Variants in PTPRD observed in about 807,000 individuals in gnomAD.
The protein encoded by PTPRD is protein tyrosine phosphatase receptor type D, also known as receptor-type tyrosine-protein phosphatase delta.
A neutral mutation model predicts 214.5 loss-of-function variants in PTPRD; 34 were observed. That is an observed-to-expected ratio of 0.16 (90% CI 0.12 to 0.21). The LOEUF is 0.21. Among genes scored for constraint, PTPRD ranks in the 10% least tolerant of loss-of-function variants. PTPRD has a pLI of 1.00. For missense variants in PTPRD, 2,545 were observed against 2,398.7 expected, an observed-to-expected ratio of 1.06 and a Z score of -1.27; for synonymous variants, 1,128 against 845.7, an observed-to-expected ratio of 1.33 and a Z score of -5.79.
intron 11 of PTPRD, among the ~76,000 whole-genome samples, chr9:8,887,873 C>T (rs1461558313): frequency 5.3e-5 from 8 of 152,162 alleles, no homozygotes; most frequent in African/African-American, 1.2e-4. Context: ...AACACATCAG[C>T]GCTTTGATGT....
At chr9:9,138,658 TC>T (rs1321165421) in intron 10 of PTPRD, among the ~76,000 whole-genome samples, 1 of 152,132 alleles carries the variant, frequency 6.6e-6, no homozygotes, top group East Asian at 1.9e-4. Context: ...TAAGGTACAT[TC>T]TTTAACTTGA....
At chr9:8,585,036 G>A (rs1241473892) in intron 14 of PTPRD, among the ~76,000 whole-genome samples, 1 of 152,120 alleles carries the variant, frequency 6.6e-6, no homozygotes, top group African/African-American at 2.4e-5. Context: ...ATAACACGTG[G>A]GGATTAGGGG....
At chr9:10,358,672 C>T (rs10756029) in intron 2 of PTPRD, among the ~76,000 whole-genome samples, 87,414 of 151,592 alleles carry the variant, frequency 0.58, 26,985 homozygotes, top group African/African-American at 0.81. Flanking sequence ...CAGTATACAC[C>T]ATCTTAAGAA....
intron 26 of PTPRD, among the ~76,000 whole-genome samples, chr9:8,497,039 T>C (rs1414746737): frequency 1.3e-5 from 2 of 152,212 alleles, no homozygotes; most frequent in Non-Finnish European, 2.9e-5. Flanking sequence ...TGACATTTCT[T>C]ACGCAGTCAA....
intron 8 of PTPRD, among the ~76,000 whole-genome samples, chr9:9,446,081 C>A (rs1188595100): frequency 6.6e-6 from 1 of 152,010 alleles, no homozygotes; most frequent in African/African-American, 2.4e-5. Context: ...TTATGAAAGC[C>A]ATGTGGTAAG....
At chr9:10,227,966 T>C (rs2099594779) in intron 3 of PTPRD, among the ~76,000 whole-genome samples, 4 of 152,016 alleles carry the variant, frequency 2.6e-5, no homozygotes, top group Admixed American at 2.0e-4. Flanking sequence ...CAGAAAGGCC[T>C]AGAAATTTTT....
intron 3 of PTPRD, among the ~76,000 whole-genome samples, chr9:10,289,378 G>A (rs1422122856): frequency 6.6e-6 from 1 of 152,148 alleles, no homozygotes; most frequent in African/African-American, 2.4e-5. Flanking sequence ...AGCTCCAGCT[G>A]AGGTGTTGGA....
chr9:8,877,607 G>A (rs1027148126), intron 11 of PTPRD, among the ~76,000 whole-genome samples: 2 of 152,046 alleles, frequency 1.3e-5, no homozygotes, highest in African/African-American at 4.8e-5. Flanking sequence ...GTTCATATTT[G>A]CTTCTATTTA....
chr9:9,654,800 T>G (rs2096465323), intron 7 of PTPRD, among the ~76,000 whole-genome samples: 1 of 152,166 alleles, frequency 6.6e-6, no homozygotes. Flanking sequence ...GTTTATTAAG[T>G]GTATAACAAA....
At chr9:9,469,318 G>T (rs971546097) in intron 8 of PTPRD, among the ~76,000 whole-genome samples, 6 of 151,972 alleles carry the variant, frequency 3.9e-5, no homozygotes, top group African/African-American at 1.5e-4. Flanking sequence ...TTCTCATTTA[G>T]AAATAATCTG....
chr9:9,989,277 C>T (rs887032557), intron 4 of PTPRD, among the ~76,000 whole-genome samples: 1 of 152,106 alleles, frequency 6.6e-6, no homozygotes, highest in South Asian at 2.1e-4. Flanking sequence ...TAAATGAGAG[C>T]ATGCATTCCT....
chr9:9,968,161 A>G (rs1271862024), intron 4 of PTPRD, among the ~76,000 whole-genome samples: 1 of 152,192 alleles, frequency 6.6e-6, no homozygotes, highest in African/African-American at 2.4e-5. Flanking sequence ...TTATTCTTCA[A>G]TGAAACCATG....
Position 10,340,988 on chromosome 9 carries a change from C to G in PTPRD, c.-570G>C, listed in dbSNP as rs2096929003. On this transcript the variant is annotated 5_prime_UTR_variant, in exon 3 of 46. Coordinates refer to ENST00000381196, the MANE Select transcript of PTPRD (RefSeq NM_002839.4). Reference sequence around the variant, plus strand: ...TAGTTGTGTGACTTTGAGACAGGTCCTTTACTTCCTTGATTCTTCACTTCT... The same window carrying G: ...TAGTTGTGTGACTTTGAGACAGGTCGTTTACTTCCTTGATTCTTCACTTCT... The G allele has an allele frequency of 6.6e-6, 1 of 151,880 alleles. No homozygotes were observed. The highest frequency in any genetic ancestry group is 2.1e-4 in the South Asian group (1 of 4,822). 9.4% of individuals were successfully genotyped at this position (151,880 alleles called of 1,614,324 possible). A position where few individuals can be genotyped will look rare whatever the true frequency, so the allele number is the denominator to read the frequency against.
chr9:10,558,558 C>G (rs1476587837), intron 2 of PTPRD, among the ~76,000 whole-genome samples: 1 of 152,104 alleles, frequency 6.6e-6, no homozygotes, highest in African/African-American at 2.4e-5. Context: ...CTTGGGCAAG[C>G]TACTTAACAT....
chr9:8,512,712 T>C (rs914238436), intron 21 of PTPRD, among the ~76,000 whole-genome samples: 1 of 151,994 alleles, frequency 6.6e-6, no homozygotes, highest in Non-Finnish European at 1.5e-5. Flanking sequence ...GGTATATCCA[T>C]ATAAGTCAGA....
At chr9:8,901,727 T>C (rs750652504) in intron 11 of PTPRD, among the ~76,000 whole-genome samples, 1 of 152,218 alleles carries the variant, frequency 6.6e-6, no homozygotes, top group Non-Finnish European at 1.5e-5. Context: ...GAAATGAGTG[T>C]AATTGCATCA....
chr9:8,979,733 G>C (rs1442652672), intron 11 of PTPRD, among the ~76,000 whole-genome samples: 2 of 152,020 alleles, frequency 1.3e-5, no homozygotes, highest in Non-Finnish European at 1.5e-5. Flanking sequence ...TAAGACAAGA[G>C]ATAACAAATG....
chr9:8,631,156 T>C (rs780467666), intron 14 of PTPRD, among the ~76,000 whole-genome samples: 10 of 151,874 alleles, frequency 6.6e-5, no homozygotes, highest in East Asian at 1.9e-4. Context: ...TTCAGAAATA[T>C]GTATACTTTC....
intron 11 of PTPRD, among the ~76,000 whole-genome samples, chr9:8,971,435 C>T (rs1386323626): frequency 1.3e-5 from 2 of 151,684 alleles, no homozygotes; most frequent in African/African-American, 4.8e-5. Flanking sequence ...CCTGTAATTA[C>T]TTGATTTCTT....
Sources: gnomAD v4.1 joint callset for allele counts (sites outside exome capture counted in the v4.1 genomes callset) on GRCh38, gnomAD v4.1.1 for gene constraint, MANE v1.5 for transcripts, NCBI Gene and HGNC (gene_info 2026-07-23, HGNC 2026-07-21) for gene names.